Variants in STK3 observed in about 807,000 individuals in gnomAD.
STK3 encodes the protein serine/threonine-protein kinase 3.
A neutral mutation model predicts 58.0 loss-of-function variants in STK3; 41 were observed. The ratio of observed to expected loss-of-function variants is 0.71; its 90% CI spans 0.55 to 0.92. The LOEUF is 0.92. Among genes scored for constraint, STK3 ranks in the 40% least tolerant of loss-of-function variants. The pLI is 0.00. For missense variants in STK3, 479 were observed against 602.7 expected (o/e 0.79, Z 2.15); for synonymous variants, 170 against 191.0 (o/e 0.89, Z 0.91).
intron 7 of STK3, among the ~76,000 whole-genome samples, chr8:98,592,746 T>C (rs1425413174): frequency 6.9e-6 from 1 of 144,852 alleles, no homozygotes; most frequent in East Asian, 2.0e-4. Context: ...TATTTATTTA[T>C]TTATTTATTT....
intron 1 of STK3, among the ~76,000 whole-genome samples, chr8:98,442,169 G>C (rs906265012): frequency 1.3e-5 from 2 of 152,028 alleles, no homozygotes; most frequent in African/African-American, 2.4e-5. Flanking sequence ...AATAGTTCTG[G>C]GATCTGCCCT....
chr8:98,733,959 C>T (rs1397354004), intron 4 of STK3, among the ~76,000 whole-genome samples: 4 of 152,100 alleles, frequency 2.6e-5, no homozygotes, highest in Non-Finnish European at 5.9e-5. Context: ...ACAGGCTGTA[C>T]AGGAGGCATG....
chr8:98,561,540 T>TGCCTGGTA (rs1301187373), intron 8 of STK3, among the ~76,000 whole-genome samples: 1 of 152,092 alleles, frequency 6.6e-6, no homozygotes, highest in Non-Finnish European at 1.5e-5. Flanking sequence ...TGGTGGCTCA[T>TGCCTGGTA]GCCTGGTAAT....
At chr8:98,816,581 T>TA (rs1371412414) in intron 1 of STK3, among the ~76,000 whole-genome samples, 1 of 151,988 alleles carries the variant, frequency 6.6e-6, no homozygotes, top group Non-Finnish European at 1.5e-5. Context: ...TTGCCCAGGC[T>TA]AGAGTGCAAT....
chr8:98,796,049 T>A (rs1322542208), intron 1 of STK3, among the ~76,000 whole-genome samples: 1 of 152,118 alleles, frequency 6.6e-6, no homozygotes, highest in African/African-American at 2.4e-5. Context: ...ATCAACATCA[T>A]TAAAATGGCC....
At chr8:98,862,024 C>T (rs182229703) in intron 3 of STK3, among the ~76,000 whole-genome samples, 11 of 152,256 alleles carry the variant, frequency 7.2e-5, no homozygotes, top group Admixed American at 2.0e-4. Flanking sequence ...TCTTTTTTCC[C>T]ACTCAAACCT....
chr8:98,918,595 C>T (rs927227398), intron 1 of STK3, among the ~76,000 whole-genome samples: 2 of 151,944 alleles, frequency 1.3e-5, no homozygotes, highest in African/African-American at 2.4e-5. Flanking sequence ...CATAGCAAGA[C>T]CCCGACTCTA....
At chr8:98,592,064 G>C (rs1815360922) in intron 7 of STK3, among the ~76,000 whole-genome samples, 1 of 151,988 alleles carries the variant, frequency 6.6e-6, no homozygotes, top group African/African-American at 2.4e-5. Context: ...TATTATTACA[G>C]TGCCTCCTCA....
chr8:98,754,711 T>C (rs1687480974), intron 3 of STK3, among the ~76,000 whole-genome samples: 1 of 152,070 alleles, frequency 6.6e-6, no homozygotes, highest in African/African-American at 2.4e-5. Context: ...GGTTTTGCCA[T>C]GTTGACCAGG....
chr8:98,605,873 T>C (rs1466460881), intron 6 of STK3, among the ~76,000 whole-genome samples: 1 of 152,138 alleles, frequency 6.6e-6, no homozygotes, highest in Non-Finnish European at 1.5e-5. Context: ...TCATAAGATG[T>C]GGTTGTTAAA....
chr8:98,368,183 G>A (rs1464795516), downstream of STK3, among the ~76,000 whole-genome samples: 8 of 152,216 alleles, frequency 5.3e-5, no homozygotes, highest in Non-Finnish European at 1.2e-4. Flanking sequence ...TGAAAACTAC[G>A]TCAGTTACTG....
At chr8:98,717,385 A>C (rs1827100724) in intron 4 of STK3, among the ~76,000 whole-genome samples, 1 of 152,174 alleles carries the variant, frequency 6.6e-6, no homozygotes, top group South Asian at 2.1e-4. Flanking sequence ...ATTTCTCCAA[A>C]GGTATACAAA....
intron 2 of STK3, among the ~76,000 whole-genome samples, chr8:98,378,343 C>T (rs929597318): frequency 6.6e-6 from 1 of 152,186 alleles, no homozygotes; most frequent in Non-Finnish European, 1.5e-5. Context: ...TGCCTCAGAA[C>T]ACTCTACTTG....
At chr8:98,823,495 A>G (rs1045337362) in intron 1 of STK3, among the ~76,000 whole-genome samples, 2 of 152,254 alleles carry the variant, frequency 1.3e-5, no homozygotes, top group Non-Finnish European at 2.9e-5. Flanking sequence ...GTAGCCAATC[A>G]GATGCAGAAT....
the STK3 span, among the ~76,000 whole-genome samples, chr8:98,349,287 C>A: frequency 1.3e-5 from 2 of 152,200 alleles, no homozygotes; most frequent in Admixed American, 6.5e-5. Context: ...ATTTGTAGGG[C>A]AGTGAAACTA....
intron 10 of STK3, among the ~76,000 whole-genome samples, chr8:98,498,511 C>T (rs1246231709): frequency 6.6e-6 from 1 of 152,112 alleles, no homozygotes; most frequent in Non-Finnish European, 1.5e-5. Flanking sequence ...TAAGATAAGT[C>T]ACTATTTCAT....
At chr8:98,893,486 G>GAAAGGGAAAGAA (rs776247646) in intron 1 of STK3, among the ~76,000 whole-genome samples, 1 of 42,998 alleles carries the variant, frequency 2.3e-5, no homozygotes, top group Non-Finnish European at 4.3e-5. Flanking sequence ...AAGAAAGAAA[G>GAAAGGGAAAGAA]AGAAAGAAAG....
chr8:98,776,471 T>C (rs1412710366), intron 1 of STK3, among the ~76,000 whole-genome samples: 1 of 152,206 alleles, frequency 6.6e-6, no homozygotes, highest in East Asian at 1.9e-4. Context: ...AAATGTGACT[T>C]CATTAATTCA....
At chr8:98,812,077 T>TGG (rs1295602673) in intron 1 of STK3, among the ~76,000 whole-genome samples, 9 of 152,294 alleles carry the variant, frequency 5.9e-5, no homozygotes, top group South Asian at 2.1e-4. Context: ...ACCAAAGTGG[T>TGG]GGGATTACAG....
Sources: gnomAD v4.1 joint callset for allele counts (sites outside exome capture counted in the v4.1 genomes callset) on GRCh38, gnomAD v4.1.1 for gene constraint, MANE v1.5 for transcripts, NCBI Gene and HGNC (gene_info 2026-07-23, HGNC 2026-07-21) for gene names.